Variants in SEMA4D observed in about 807,000 individuals in gnomAD.
SEMA4D encodes the protein semaphorin 4D.
A neutral mutation model predicts 74.8 loss-of-function variants in SEMA4D; 22 were observed. That is an observed-to-expected ratio of 0.29 (90% CI 0.21 to 0.42). SEMA4D has a LOEUF of 0.42. Among genes scored for constraint, SEMA4D ranks in the 10% least tolerant of loss-of-function variants. SEMA4D has a pLI of 1.00. For synonymous variants in SEMA4D, 445 were observed against 463.7 expected, an observed-to-expected ratio of 0.96 and a Z score of 0.52; for missense variants, 937 against 1,118.4, an observed-to-expected ratio of 0.84 and a Z score of 2.31.
At chr9:89,371,578 C>G (rs1377128575) in intron 16 of SEMA4D, among the ~76,000 whole-genome samples, 10 of 8,064 alleles carry the variant, frequency 1.2e-3, no homozygotes, top group South Asian at 7.2e-3. Flanking sequence ...GGGTGTGTGT[C>G]TGGGGTGTGG....
In SEMA4D at chr9:89,387,327, C is replaced by T. The variant is rs1838752135; in HGVS notation, c.1330+59G>A. 2.9e-5 allele frequency: 41 copies of T among 1,400,818 alleles called. No individual in the cohort carries two copies. In the South Asian group the frequency reaches 5.1e-4, roughly 18 times the overall value. 86.8% of individuals were successfully genotyped at this position (1,400,818 alleles called of 1,614,324 possible). ...AAGAATAATTGGATTTCCCAGTTTT[C>T]CTACCAGAGGACACAGATGTGCTGT... On this transcript the variant is annotated intron_variant, in intron 12 of 15. Coordinates refer to ENST00000422704, the MANE Select transcript of SEMA4D (RefSeq NM_001371194.2).
At chr9:89,454,055 C>A (rs1427150377) in intron 2 of SEMA4D, among the ~76,000 whole-genome samples, 3 of 152,096 alleles carry the variant, frequency 2.0e-5, no homozygotes, top group African/African-American at 7.2e-5. Flanking sequence ...GACAGGGTTT[C>A]ACCACGTTAG....
chr9:89,449,370 T>C (rs1853766067), intron 2 of SEMA4D, among the ~76,000 whole-genome samples: 1 of 152,238 alleles, frequency 6.6e-6, no homozygotes. Context: ...GTTTAGATCC[T>C]ACACCTACCA....
chr9:89,369,713 T>C (rs368739486), intron 16 of SEMA4D, among the ~76,000 whole-genome samples: 1 of 152,276 alleles, frequency 6.6e-6, no homozygotes, highest in Non-Finnish European at 1.5e-5. Flanking sequence ...CTTGGGTTCA[T>C]CAGTTCAGAC....
In SEMA4D at chr9:89,381,281, C is replaced by T. The variant is rs148298809; in HGVS notation, c.1512G>A (p.Gly504=). Residue 504 remains glycine, a synonymous_variant, in exon 14 of 16, where the codon GGG becomes GGA. Coordinates refer to ENST00000422704, the MANE Select transcript of SEMA4D (RefSeq NM_001371194.2). The surrounding 1 kb of genome is among the most constrained non-coding windows in gnomAD (Gnocchi z 4.6). ...CACAGTCCTCGCAGGTGCCGTGCTT[C>T]CCACAGAAGGCCAGCGGGGCCTGGA... is the stretch of plus-strand genomic sequence containing the variant. ...GVVQAPLAFC[G]KHGTCEDCVL... 1.4e-3 allele frequency: 2,198 copies of T among 1,586,196 alleles called. 7 individuals carry two copies. Among genetic ancestry groups the T allele is most frequent in the Admixed American group, 1.6e-3 (93 of 56,972 alleles).
At chr9:89,429,066 C>T (rs13290901) in intron 2 of SEMA4D, among the ~76,000 whole-genome samples, 1 of 152,196 alleles carries the variant, frequency 6.6e-6, no homozygotes, top group Middle Eastern at 3.2e-3. Flanking sequence ...GCGGTTCGTC[C>T]AAGAGTGCGA....
rs149822470 is a variant in SEMA4D at position 89,369,866 on chromosome 9, ATGTGTG to A, written c.1883-5922_1883-5917del. ...GAGTTGAAACGATCCTAAGTCAACA[ATGTGTG>A]TGTGTGTGTGTATGGTTGTGTATGT... is the stretch of plus-strand genomic sequence containing the variant. On this transcript the variant is annotated intron_variant, in intron 16 of 18. Coordinates refer to the SEMA4D transcript ENST00000339861. Among the ~76,000 whole-genome samples the A allele has an allele frequency of 9.2e-5, 14 of 151,360 alleles. 1 individual carries two copies. In the East Asian group the frequency reaches 2.7e-3, roughly 29 times the overall value.
At chr9:89,463,678 G>A (rs999768116) in intron 1 of SEMA4D, among the ~76,000 whole-genome samples, 3 of 152,240 alleles carry the variant, frequency 2.0e-5, no homozygotes, top group Non-Finnish European at 4.4e-5. Context: ...GCTCACGCCT[G>A]TAATCCCAGC....
At position 89,381,530 on chromosome 9, in the gene SEMA4D, C is replaced by T; in HGVS notation, c.1447-184G>A. 1.9e-6 allele frequency: 1 copy of T among 527,866 alleles called. No individual in the cohort carries two copies. Among genetic ancestry groups the T allele is most frequent in the Non-Finnish European group, 3.2e-6 (1 of 311,866 alleles). The allele number at this position is 527,866 out of a possible 1,614,324, so 32.7% of individuals were successfully genotyped here. On this transcript the variant is annotated intron_variant, in intron 13 of 15. Transcript: ENST00000422704. The surrounding 1 kb of genome is among the most constrained non-coding windows in gnomAD (Gnocchi z 4.6). ...AGGTCTGTGACCTTCCTGCAGAATC[C>T]ACGTGCTATGTCAGGGCTCACTGGG...
At chr9:89,392,354 G>C in intron 8 of SEMA4D, 69 bp downstream of exon 8, 1 of 1,216,022 alleles carries the variant, frequency 8.2e-7, no homozygotes, top group Non-Finnish European at 1.2e-6. Flanking sequence ...GACAGAAAAG[G>C]AGAGATCAAC....
chr9:89,423,746 G>A (rs1419785055), intron 2 of SEMA4D, among the ~76,000 whole-genome samples: 3 of 144,300 alleles, frequency 2.1e-5, no homozygotes, highest in Non-Finnish European at 3.0e-5. Context: ...ACCTCCCCCG[G>A]CTATTACCTC....
chr9:89,411,381 G>T (rs1465709324), intron 2 of SEMA4D, among the ~76,000 whole-genome samples: 1 of 152,164 alleles, frequency 6.6e-6, no homozygotes, highest in Non-Finnish European at 1.5e-5. Flanking sequence ...TCTGGGGGAA[G>T]AAAGAGAGGG....
intron 6 of SEMA4D, among the ~76,000 whole-genome samples, 179 bp from the exon 7 acceptor site, chr9:89,393,834 T>C (rs142467794): frequency 2.5e-3 from 386 of 152,344 alleles, no homozygotes; most frequent in African/African-American, 8.7e-3. Flanking sequence ...GTTGCTCAGC[T>C]CAGGTCTAGA....
chr9:89,496,310 T>G (rs1826009426), intron 1 of SEMA4D, among the ~76,000 whole-genome samples: 1 of 152,196 alleles, frequency 6.6e-6, no homozygotes, highest in Non-Finnish European at 1.5e-5. Context: ...GCATGGCAGC[T>G]GGGGCTCTGC....
At chr9:89,474,455 C>A (rs1202207368) in intron 1 of SEMA4D, among the ~76,000 whole-genome samples, 1 of 152,218 alleles carries the variant, frequency 6.6e-6, no homozygotes, top group Admixed American at 6.5e-5. Context: ...TTTGTATACA[C>A]AGATGAAAGC....
intron 8 of SEMA4D, among the ~76,000 whole-genome samples, chr9:89,391,616 AC>A (rs1204002223): frequency 2.6e-5 from 4 of 152,010 alleles, no homozygotes; most frequent in Admixed American, 2.0e-4. Flanking sequence ...ATGGTGCCCT[AC>A]CCCCACCTCC....
At chr9:89,422,868 T>G (rs1847268883) in intron 2 of SEMA4D, among the ~76,000 whole-genome samples, 1 of 152,226 alleles carries the variant, frequency 6.6e-6, no homozygotes, top group Non-Finnish European at 1.5e-5. Flanking sequence ...TCCATTTTGA[T>G]GAAATCTCTT....
At chr9:89,486,784 G>A (rs1240501634) in intron 1 of SEMA4D, among the ~76,000 whole-genome samples, 2 of 152,172 alleles carry the variant, frequency 1.3e-5, no homozygotes, top group Non-Finnish European at 1.5e-5. Flanking sequence ...GTGTATGCTT[G>A]TAGTCCCAGC....
intron 1 of SEMA4D, among the ~76,000 whole-genome samples, chr9:89,457,340 G>A (rs552907426): frequency 5.9e-5 from 9 of 152,286 alleles, no homozygotes; most frequent in African/African-American, 2.2e-4. Flanking sequence ...GGTGCTTCCT[G>A]CATCGTAGCA....
Sources: gnomAD v4.1 joint callset for allele counts (sites outside exome capture counted in the v4.1 genomes callset) on GRCh38, gnomAD v4.1.1 for gene constraint, Gnocchi (gnomAD v3.1) non-coding constraint, MANE v1.5 for transcripts, NCBI Gene and HGNC (gene_info 2026-07-23, HGNC 2026-07-21) for gene names.